Variants in CACNA1D observed in about 807,000 individuals in gnomAD.
The protein encoded by CACNA1D is voltage-dependent L-type calcium channel subunit alpha-1D.
A neutral mutation model predicts 257.1 loss-of-function variants in CACNA1D; 55 were observed. The ratio of observed to expected loss-of-function variants is 0.21; its 90% CI spans 0.17 to 0.27. CACNA1D has a LOEUF of 0.27. Among genes scored for constraint, CACNA1D ranks in the 10% least tolerant of loss-of-function variants. The pLI is 1.00. For synonymous variants in CACNA1D, 980 were observed against 1,014.9 expected, an observed-to-expected ratio of 0.97 and a Z score of 0.65; for missense variants, 1,876 against 2,784.0, an observed-to-expected ratio of 0.67 and a Z score of 7.34.
chr3:53,497,628 C>T (rs1337390521), intron 2 of CACNA1D, among the ~76,000 whole-genome samples, 167 bp downstream of exon 2: 1 of 152,066 alleles, frequency 6.6e-6, no homozygotes, highest in Non-Finnish European at 1.5e-5. Context: ...CTTCGGGTTG[C>T]AGAGGGGTGG....
In CACNA1D at chr3:53,753,668, G is replaced by T. The variant is rs371966930; in HGVS notation, c.3772G>T (p.Ala1258Ser). Reference protein sequence around the residue: ...FTVEMVLKVIAFKPKGYFSDA... With the variant: ...FTVEMVLKVISFKPKGYFSDA... ...CGTCGAGATGGTTTTGAAAGTCATC[G>T]CATTTAAGCCTAAGGTGAGTTGCAG... is the stretch of plus-strand genomic sequence containing the variant. The change falls in exon 29 of 48, where the codon GCA (alanine) becomes TCA (serine). Residue 1258 changes from alanine to serine, a missense_variant. This residue lies in a region of CACNA1D where 204 missense variants were observed against 309.4 expected (regional missense o/e 0.66). Transcript: ENST00000350061. 2 of 1,607,768 alleles carry T rather than the reference G, an allele frequency of 1.2e-6. No individual in the cohort carries two copies. Among genetic ancestry groups the T allele is most frequent in the Non-Finnish European group, 1.7e-6 (2 of 1,174,108 alleles).
rs1170953253 is a variant in CACNA1D at position 53,494,621 on chromosome 3, T to TGCGGC, written c.-534_-530dup. 5 of 144,220 alleles carry TGCGGC rather than the reference T, an allele frequency of 3.5e-5. No individual in the cohort carries two copies. The highest frequency in any genetic ancestry group is 5.0e-5 in the African/African-American group (2 of 39,938). 8.9% of individuals were successfully genotyped at this position (144,220 alleles called of 1,614,324 possible). ...CAGCGTCGCCAGGGCGAAGCCGGCGTGCGGCGCGGCGCGGCGGGCGCGGAG... is the reference window on the plus strand; with the variant it reads ...CAGCGTCGCCAGGGCGAAGCCGGCGTGCGGCGCGGCGCGGCGCGGCGGGCGCGGAG... On this transcript the variant is annotated 5_prime_UTR_variant, in exon 1 of 48. Transcript: ENST00000350061.
chr3:53,604,843 T>C (rs2093488089), intron 3 of CACNA1D, among the ~76,000 whole-genome samples: 1 of 152,158 alleles, frequency 6.6e-6, no homozygotes, highest in South Asian at 2.1e-4. Context: ...TTTCAAGGTC[T>C]GATATGTAAG....
At chr3:53,567,914 T>G (rs2092875033) in intron 3 of CACNA1D, among the ~76,000 whole-genome samples, 1 of 152,174 alleles carries the variant, frequency 6.6e-6, no homozygotes, top group South Asian at 2.1e-4. Context: ...ACTGAGGAGT[T>G]CTCATTGTAG....
At chr3:53,747,585 C>G in intron 26 of CACNA1D, 137 bp downstream of exon 26, 1 of 863,596 alleles carries the variant, frequency 1.2e-6, no homozygotes, top group Non-Finnish European at 1.9e-6. Flanking sequence ...TGGGCCACTT[C>G]TCAGTCACTT....
intron 14 of CACNA1D, among the ~76,000 whole-genome samples, chr3:53,726,435 C>T (rs540030638): frequency 8.4e-4 from 55 of 65,596 alleles, no homozygotes; most frequent in African/African-American, 3.3e-3. Context: ...GTCAGGAGTT[C>T]GAGACCAGCC....
intron 4 of CACNA1D, 71 bp from the exon 5 acceptor site, chr3:53,660,057 TAAATA>T: frequency 7.4e-7 from 1 of 1,351,192 alleles, no homozygotes. Flanking sequence ...TTTTCAAAAA[TAAATA>T]AGATTATCAT....
chr3:53,517,672 C>T (rs1427761573), intron 3 of CACNA1D, among the ~76,000 whole-genome samples: 1 of 151,918 alleles, frequency 6.6e-6, no homozygotes, highest in Non-Finnish European at 1.5e-5. Context: ...TTAGTAGAGA[C>T]GGGGTTTCAC....
At position 53,805,826 on chromosome 3, in the gene CACNA1D, A is replaced by G. The variant is rs558528600; in HGVS notation, c.5749+680A>G. ...CCTCTATCTTCCCTCCTCCTCCTCC[A>G]TCTTCCCTCCTCCTCCATCTTTCCT... On this transcript the variant is annotated intron_variant, in intron 45 of 47. Transcript: ENST00000350061. Among the ~76,000 whole-genome samples, 258 of 69,002 alleles carry G rather than the reference A, an allele frequency of 3.7e-3. 2 individuals carry two copies. Among genetic ancestry groups the G allele is most frequent in the Non-Finnish European group, 5.8e-3 (207 of 35,938 alleles). 45.3% of individuals were successfully genotyped at this position (69,002 alleles called of 152,430 possible).
At chr3:53,772,634 C>A (rs1293219092) in intron 32 of CACNA1D, among the ~76,000 whole-genome samples, 199 bp from the exon 33 acceptor site, 1 of 152,218 alleles carries the variant, frequency 6.6e-6, no homozygotes, top group Non-Finnish European at 1.5e-5. Context: ...ACTGGGCGTG[C>A]ATGTGGATGG....
At chr3:53,804,126 C>T (rs953174007) in intron 44 of CACNA1D, among the ~76,000 whole-genome samples, 6 of 152,168 alleles carry the variant, frequency 3.9e-5, no homozygotes, top group Non-Finnish European at 5.9e-5. Context: ...CTTTAGGAGG[C>T]GTAGCAGGCG....
rs1337549965 is a variant in CACNA1D at position 53,749,262 on chromosome 3, C to G, written c.3315-6C>G. ...GCAGGTCCTCACTTGGTTTTTCTCTCTCTAGGTTGCTGTATAAAGCCATCG... is the reference window on the plus strand; with the variant it reads ...GCAGGTCCTCACTTGGTTTTTCTCTGTCTAGGTTGCTGTATAAAGCCATCG... On this transcript the variant is annotated splice_region_variant and splice_polypyrimidine_tract_variant and intron_variant, in intron 26 of 47. Transcript: ENST00000350061. 6.2e-7 allele frequency: 1 copy of G among 1,611,450 alleles called. No homozygotes were observed. Among genetic ancestry groups the G allele is most frequent in the Non-Finnish European group, 8.5e-7 (1 of 1,177,714 alleles).
At chr3:53,637,241 T>A (rs1393678769) in intron 3 of CACNA1D, among the ~76,000 whole-genome samples, 1 of 152,214 alleles carries the variant, frequency 6.6e-6, no homozygotes, top group African/African-American at 2.4e-5. Context: ...TATGAAGAGG[T>A]CACCATCTTT....
chr3:53,591,851 A>T (rs1399549946), intron 3 of CACNA1D, among the ~76,000 whole-genome samples: 1 of 152,164 alleles, frequency 6.6e-6, no homozygotes, highest in African/African-American at 2.4e-5. Context: ...CGTGGATATG[A>T]GGTGTACCCT....
chr3:53,554,125 G>A, intron 3 of CACNA1D, among the ~76,000 whole-genome samples: 1 of 151,770 alleles, frequency 6.6e-6, no homozygotes, highest in South Asian at 2.1e-4. Flanking sequence ...GAACCCGGGA[G>A]GCGGAGCTTG....
intron 3 of CACNA1D, among the ~76,000 whole-genome samples, chr3:53,527,422 G>A (rs548513840): frequency 6.6e-6 from 1 of 152,304 alleles, no homozygotes; most frequent in African/African-American, 2.4e-5. Flanking sequence ...TGATTTATTA[G>A]GATTGTATTC....
intron 40 of CACNA1D, among the ~76,000 whole-genome samples, chr3:53,787,985 T>C (rs2095464740): frequency 6.6e-6 from 1 of 152,198 alleles, no homozygotes; most frequent in Non-Finnish European, 1.5e-5. Context: ...CTTGTAGATA[T>C]TGATAAGGTT....
intron 10 of CACNA1D, 21 bp downstream of exon 10, chr3:53,718,409 C>A: frequency 6.3e-7 from 1 of 1,597,398 alleles, no homozygotes; most frequent in Non-Finnish European, 8.6e-7. Flanking sequence ...GGAGCACTTG[C>A]CCTCTTTCCC....
At chr3:53,722,239 A>T in intron 11 of CACNA1D, 75 bp from the exon 12 acceptor site, 1 of 1,542,536 alleles carries the variant, frequency 6.5e-7, no homozygotes, top group Non-Finnish European at 8.9e-7. Flanking sequence ...AAGCCAAATT[A>T]TCTCTCAATC....
Sources: allele counts gnomAD v4.1 joint callset (sites outside exome capture counted in the v4.1 genomes callset), GRCh38; gene constraint gnomAD v4.1.1; regional missense constraint gnomAD v4.1.1; transcripts MANE v1.5; gene names NCBI Gene and HGNC (gene_info 2026-07-23, HGNC 2026-07-21).